CTNNAL1: variants seen among roughly 807,000 people sequenced by gnomAD.
CTNNAL1 encodes the protein alpha-catulin.
In CTNNAL1, 69 loss-of-function variants were observed where a neutral mutation model predicts 93.6. That is an observed-to-expected ratio of 0.74 (90% CI 0.61 to 0.90). CTNNAL1 has a LOEUF of 0.90. Ranked by LOEUF, CTNNAL1 falls within the 40% of genes least tolerant of loss-of-function variation. The pLI, the probability that CTNNAL1 is intolerant of heterozygous loss-of-function variation, is 0.00. For missense variants in CTNNAL1, 836 were observed against 862.0 expected (o/e 0.97, Z 0.38); for synonymous variants, 286 against 305.4 (o/e 0.94, Z 0.66).
intron 8 of CTNNAL1, 31 bp from the exon 9 acceptor site, chr9:108,972,864 G>GGGGGGGGGGGCCCCCC: frequency 1.3e-4 from 18 of 142,428 alleles, no homozygotes; most frequent in Non-Finnish European, 1.5e-4. Context: ...GGGGGGGTGG[G>GGGGGGGGGGGCCCCCC]AGGGTGGAGA....
intron 4 of CTNNAL1, among the ~76,000 whole-genome samples, chr9:108,988,923 G>A (rs1338245190): frequency 6.6e-6 from 1 of 152,172 alleles, no homozygotes; most frequent in Non-Finnish European, 1.5e-5. Flanking sequence ...TATTCTAAAG[G>A]AGAAAGCATT....
At chr9:108,948,916 A>ACATATCATTCCTGT (rs1358335324) in intron 14 of CTNNAL1, among the ~76,000 whole-genome samples, 1 of 152,336 alleles carries the variant, frequency 6.6e-6, no homozygotes, top group East Asian at 1.9e-4. Flanking sequence ...GGAGATGTGA[A>ACATATCATTCCTGT]CATATCATTC....
intron 1 of CTNNAL1, among the ~76,000 whole-genome samples, chr9:109,005,478 G>A (rs978266391): frequency 2.6e-5 from 4 of 152,086 alleles, no homozygotes; most frequent in African/African-American, 9.7e-5. Context: ...AGTTCATGGG[G>A]GAGGAGCTCT....
intron 4 of CTNNAL1, among the ~76,000 whole-genome samples, chr9:108,986,115 G>A (rs1831595407): frequency 6.6e-6 from 1 of 150,850 alleles, no homozygotes; most frequent in South Asian, 2.1e-4. Flanking sequence ...CCATGCTGGT[G>A]TGCTGCACCC....
chr9:108,993,189 G>C (rs1831879255), intron 2 of CTNNAL1, among the ~76,000 whole-genome samples: 1 of 152,194 alleles, frequency 6.6e-6, no homozygotes, highest in African/African-American at 2.4e-5. Context: ...GTAAGCAGGT[G>C]CCAAGGCTTG....
chr9:109,003,375 A>AAT (rs1426412969), intron 1 of CTNNAL1, among the ~76,000 whole-genome samples: 5 of 152,210 alleles, frequency 3.3e-5, no homozygotes, highest in African/African-American at 1.2e-4. Context: ...ACTAAAAGGG[A>AAT]ATACATCTTT....
At chr9:109,002,833 AAAG>A (rs1421196373) in intron 1 of CTNNAL1, among the ~76,000 whole-genome samples, 6 of 151,242 alleles carry the variant, frequency 4.0e-5, no homozygotes, top group Admixed American at 6.6e-5. Context: ...AAAAAAAAAA[AAAG>A]AAAAAAGTTA....
At chr9:109,007,327 A>T (rs1827062975) in intron 1 of CTNNAL1, among the ~76,000 whole-genome samples, 1 of 152,216 alleles carries the variant, frequency 6.6e-6, no homozygotes, top group Non-Finnish European at 1.5e-5. Flanking sequence ...CTCTTCATCG[A>T]CAACATAACT....
At chr9:108,962,289 A>G (rs1830838109) in intron 11 of CTNNAL1, among the ~76,000 whole-genome samples, 1 of 152,214 alleles carries the variant, frequency 6.6e-6, no homozygotes, top group African/African-American at 2.4e-5. Flanking sequence ...TTTTATGGTT[A>G]TAATAGTCAC....
chr9:109,003,328 T>C (rs985834991), intron 1 of CTNNAL1, among the ~76,000 whole-genome samples: 1 of 152,204 alleles, frequency 6.6e-6, no homozygotes, highest in Admixed American at 6.5e-5. Flanking sequence ...ACAAAATTTT[T>C]AAGATAATCG....
intron 12 of CTNNAL1, among the ~76,000 whole-genome samples, chr9:108,953,750 TAAAG>T (rs1335069407): frequency 6.6e-6 from 1 of 152,208 alleles, no homozygotes; most frequent in Non-Finnish European, 1.5e-5. Context: ...TGTTTACTAT[TAAAG>T]AAACAGGTGA....
chr9:108,978,634 G>C (rs1831332094), intron 7 of CTNNAL1, among the ~76,000 whole-genome samples: 2 of 152,202 alleles, frequency 1.3e-5, no homozygotes. Flanking sequence ...CTTCCTGTCT[G>C]TCCCACTTCT....
At chr9:109,010,449 C>G (rs925133142) in intron 1 of CTNNAL1, among the ~76,000 whole-genome samples, 1 of 152,116 alleles carries the variant, frequency 6.6e-6, no homozygotes, top group Non-Finnish European at 1.5e-5. Context: ...TAGCAGGCAC[C>G]CCACTCTGGT....
At chr9:108,975,563 G>C (rs1390221669) in intron 8 of CTNNAL1, among the ~76,000 whole-genome samples, 1 of 152,174 alleles carries the variant, frequency 6.6e-6, no homozygotes, top group Non-Finnish European at 1.5e-5. Context: ...AGGGAGAAGA[G>C]ACCACATCTT....
chr9:108,996,456 C>G (rs76081938), intron 2 of CTNNAL1, among the ~76,000 whole-genome samples: 4,442 of 152,256 alleles, frequency 0.029, 99 homozygotes, highest in Non-Finnish European at 0.045. Flanking sequence ...CATTCTCATA[C>G]TCTTACCTGA....
At chr9:108,963,821 A>T (rs1429627006) in intron 11 of CTNNAL1, among the ~76,000 whole-genome samples, 1 of 152,204 alleles carries the variant, frequency 6.6e-6, no homozygotes, top group Non-Finnish European at 1.5e-5. Flanking sequence ...AAGTACACTA[A>T]CTTCAGGTAG....
At chr9:108,946,627 A>C (rs1184809424) in intron 15 of CTNNAL1, among the ~76,000 whole-genome samples, 1 of 152,198 alleles carries the variant, frequency 6.6e-6, no homozygotes, top group African/African-American at 2.4e-5. Flanking sequence ...TGAATGCTTA[A>C]ATTCTTATTG....
At chr9:108,954,008 C>CTTTT (rs1166103171) in intron 12 of CTNNAL1, among the ~76,000 whole-genome samples, 2 of 152,096 alleles carry the variant, frequency 1.3e-5, no homozygotes, top group African/African-American at 4.8e-5. Flanking sequence ...TAGTTTTATT[C>CTTTT]AGAATTTTAT....
chr9:108,947,048 C>T (rs919656387), intron 15 of CTNNAL1, among the ~76,000 whole-genome samples: 4 of 151,984 alleles, frequency 2.6e-5, no homozygotes, highest in African/African-American at 9.7e-5. Flanking sequence ...TCCTCTTAAG[C>T]TGAAATCCCT....
Sources: allele counts gnomAD v4.1 joint callset (sites outside exome capture counted in the v4.1 genomes callset), GRCh38; gene constraint gnomAD v4.1.1; transcripts MANE v1.5; gene names NCBI Gene and HGNC (gene_info 2026-07-23, HGNC 2026-07-21).